The following CD70 variants were observed in gnomAD, a reference collection of about 807,000 sequenced individuals.
CD70 encodes CD70 antigen.
Under a neutral mutation model 9.0 loss-of-function variants are expected in CD70, and 6 were observed. The observed-to-expected ratio is 0.67, with a 90% CI of 0.37 to 1.32. The LOEUF (loss-of-function observed/expected upper bound fraction) is 1.32, where lower values mean the gene tolerates loss of function less well. CD70 is among the 40% of genes most tolerant of loss of function. The probability of loss-of-function intolerance (pLI) is 0.02; values close to 1 mark genes in which losing one functional copy is unlikely to be tolerated. For missense variants in CD70, 235 were observed against 258.7 expected, an observed-to-expected ratio of 0.91 and a Z score of 0.63; for synonymous variants, 108 against 112.3, an observed-to-expected ratio of 0.96 and a Z score of 0.24.
chr19:6,584,479 C>G (rs930587637), downstream of CD70, among the ~76,000 whole-genome samples: 2 of 150,474 alleles, frequency 1.3e-5, no homozygotes, highest in Non-Finnish European at 1.5e-5. Flanking sequence ...GCACTCCAGC[C>G]TGGACAACAG....
intron 2 of CD70, among the ~76,000 whole-genome samples, chr19:6,586,939 TA>T (rs1916033003): frequency 2.4e-5 from 2 of 81,652 alleles, no homozygotes; most frequent in African/African-American, 9.7e-5. Flanking sequence ...CAGACAAGGG[TA>T]AAGATAGAGG....
At chr19:6,589,246 T>C (rs1916094414) in intron 2 of CD70, among the ~76,000 whole-genome samples, 1 of 63,970 alleles carries the variant, frequency 1.6e-5, no homozygotes. Flanking sequence ...TCTCTCTGGC[T>C]TTCTTTCTTT....
At chr19:6,583,394 A>T, downstream of CD70, 1 of 702,208 alleles carries the variant, frequency 1.4e-6, no homozygotes, top group Non-Finnish European at 2.6e-6. Flanking sequence ...GAGCTGAGTT[A>T]ATGGGATAAA....
In CD70 at chr19:6,590,226, T is replaced by G. The variant is rs1347929975; in HGVS notation, c.163-90A>C. The G allele has an allele frequency of 2.0e-6, 2 of 1,008,036 alleles. No homozygotes were observed. Among genetic ancestry groups the G allele is most frequent in the East Asian group, 4.8e-5 (2 of 42,092 alleles). The allele number at this position is 1,008,036 out of a possible 1,614,324, so 62.4% of individuals were successfully genotyped here. On this transcript the variant is annotated intron_variant, in intron 1 of 2. Transcript: ENST00000245903. The surrounding 1 kb of genome is among the most constrained non-coding windows in gnomAD (Gnocchi z 5.3). ...CCAGGAGCTCTCTTTTCTCTGTCCA[T>G]CCTCCTTTCCACCTCTCATCCCACG...
intron 2 of CD70, among the ~76,000 whole-genome samples, chr19:6,587,037 A>G (rs1916036378): frequency 6.6e-6 from 1 of 151,440 alleles, no homozygotes; most frequent in African/African-American, 2.4e-5. Flanking sequence ...TGCACGAGAG[A>G]GTGCGACAGA....
At chr19:6,584,984 T>C (rs1915986841), downstream of CD70, among the ~76,000 whole-genome samples, 1 of 152,046 alleles carries the variant, frequency 6.6e-6, no homozygotes, top group Non-Finnish European at 1.5e-5. Context: ...TGTAGTTCCA[T>C]TACATAGTTA....
chr19:6,589,949 C>G (rs1387241682), intron 2 of CD70, among the ~76,000 whole-genome samples, 154 bp downstream of exon 2: 3 of 150,168 alleles, frequency 2.0e-5, no homozygotes, highest in African/African-American at 7.4e-5. Flanking sequence ...CTGTCTCCCC[C>G]TCTCCGTTTC....
chr19:6,583,115 C>T (rs1394187910), downstream of CD70: 1 of 435,512 alleles, frequency 2.3e-6, no homozygotes, highest in African/African-American at 2.0e-5. Flanking sequence ...ACTCCTCTCA[C>T]TTCCCCTTCT....
intron 2 of CD70, among the ~76,000 whole-genome samples, chr19:6,588,729 G>C (rs940185797): frequency 1.3e-5 from 2 of 151,910 alleles, no homozygotes; most frequent in South Asian, 4.2e-4. Context: ...CTCCTTGCCT[G>C]ATTTTTTCTC....
chr19:6,582,874 C>A (rs970603385), downstream of CD70, among the ~76,000 whole-genome samples: 1 of 152,150 alleles, frequency 6.6e-6, no homozygotes, highest in African/African-American at 2.4e-5. Flanking sequence ...ATCCAGGTCA[C>A]GCTGATGTAA....
At chr19:6,585,821 C>T, downstream of CD70, 1 of 522,248 alleles carries the variant, frequency 1.9e-6, no homozygotes. Context: ...ATTACAGATG[C>T]ACGCCACGAA....
At chr19:6,585,663 A>T (rs1250470251), downstream of CD70, among the ~76,000 whole-genome samples, 1 of 146,742 alleles carries the variant, frequency 6.8e-6, no homozygotes, top group Non-Finnish European at 1.5e-5. Flanking sequence ...TTCTTCAAAC[A>T]TCCCTAACCA....
In CD70 at chr19:6,590,723, G is replaced by T; in HGVS notation, c.162+118C>A. ...GGTCCCCGCCTCGCCTCCCTGTTCT[G>T]GTCTCTGTCTCTGCCCTACCAGATC... is the stretch of plus-strand genomic sequence containing the variant. On this transcript the variant is annotated intron_variant, in intron 1 of 2. Transcript: ENST00000245903. The surrounding 1 kb of genome is among the most constrained non-coding windows in gnomAD (Gnocchi z 5.3). 1 of 948,610 alleles carries T rather than the reference G, an allele frequency of 1.1e-6. No homozygotes were observed. The allele number at this position is 948,610 out of a possible 1,614,324, so 58.8% of individuals were successfully genotyped here. A position where few individuals can be genotyped will look rare whatever the true frequency, so the allele number is the denominator to read the frequency against.
chr19:6,586,913 A>AAC (rs1248739787), intron 2 of CD70, among the ~76,000 whole-genome samples: 6 of 151,226 alleles, frequency 4.0e-5, no homozygotes, highest in South Asian at 2.1e-4. Context: ...AAAAAAAAAA[A>AAC]AAAAAAAAAC....
downstream of CD70, among the ~76,000 whole-genome samples, chr19:6,584,362 C>T (rs1915975784): frequency 6.6e-6 from 1 of 151,158 alleles, no homozygotes; most frequent in South Asian, 2.1e-4. Flanking sequence ...GAAAAATTAG[C>T]CGGACGTGGT....
rs971966090 is a variant in CD70, at chr19:6,590,550, C to T, written c.162+291G>A. ...AGCCCCCACGCCCAGCCTTGTGAAG[C>T]CCCCAGCAGCCTCTGAGTCAGCCTG... is the stretch of plus-strand genomic sequence containing the variant. On this transcript the variant is annotated intron_variant, in intron 1 of 2. Coordinates refer to ENST00000245903, the MANE Select transcript of CD70 (RefSeq NM_001252.5). This position sits in a 1 kb window ranked among gnomAD's most constrained non-coding sequence, Gnocchi z 5.3. Among the ~76,000 whole-genome samples the T allele has an allele frequency of 1.3e-5, 2 of 152,132 alleles. No individual in the cohort carries two copies. The highest frequency in any genetic ancestry group is 1.9e-4 in the East Asian group (1 of 5,180).
rs1410394972 is a variant in CD70, at chr19:6,590,561, C to A, written c.162+280G>T. Reference sequence around the variant, plus strand: ...CCAGCCTTGTGAAGCCCCCAGCAGCCTCTGAGTCAGCCTGCCGGGGGAACA... The same window carrying A: ...CCAGCCTTGTGAAGCCCCCAGCAGCATCTGAGTCAGCCTGCCGGGGGAACA... On this transcript the variant is annotated intron_variant, in intron 1 of 2. Transcript: ENST00000245903. The surrounding 1 kb of genome is among the most constrained non-coding windows in gnomAD (Gnocchi z 5.3). Among the ~76,000 whole-genome samples the A allele has an allele frequency of 6.6e-6, 1 of 152,162 alleles. No homozygotes were observed. Among genetic ancestry groups the A allele is most frequent in the Admixed American group, 6.5e-5 (1 of 15,292 alleles).
At chr19:6,585,752 G>A, downstream of CD70, 2 of 357,880 alleles carry the variant, frequency 5.6e-6, no homozygotes, top group Non-Finnish European at 1.0e-5. Context: ...TCGGCTCACT[G>A]CAACCTCCAC....
intron 2 of CD70, among the ~76,000 whole-genome samples, chr19:6,588,298 C>T (rs1216506881): frequency 2.6e-5 from 4 of 152,182 alleles, no homozygotes; most frequent in Non-Finnish European, 5.9e-5. Flanking sequence ...GGCCACCACC[C>T]CTGGTGCCCC....
Sources: allele counts gnomAD v4.1 joint callset (sites outside exome capture counted in the v4.1 genomes callset), GRCh38; gene constraint gnomAD v4.1.1; non-coding constraint Gnocchi (gnomAD v3.1); transcripts MANE v1.5; gene names NCBI Gene and HGNC (gene_info 2026-07-23, HGNC 2026-07-21).